Variants in LRP2 observed in about 807,000 individuals in gnomAD.
LRP2 encodes low-density lipoprotein receptor-related protein 2.
In LRP2, 172 loss-of-function variants were observed where a neutral mutation model predicts 531.0. The observed-to-expected ratio is 0.32, with a 90% CI of 0.29 to 0.37. LRP2 has a LOEUF of 0.37. LRP2 is among the 10% of genes least tolerant of loss of function. LRP2 has a pLI of 1.00. For synonymous variants in LRP2, 1,992 were observed against 2,027.6 expected (o/e 0.98, Z 0.47); for missense variants, 5,167 against 5,868.3 (o/e 0.88, Z 3.90).
At chr2:169,353,854 G>A (rs970775483) in intron 1 of LRP2, among the ~76,000 whole-genome samples, 2 of 152,076 alleles carry the variant, frequency 1.3e-5, no homozygotes, top group African/African-American at 4.8e-5. Context: ...AACTGTGAGT[G>A]CTGGTATGTG....
Position 169,235,226 on chromosome 2 carries a change from A to G in LRP2, c.4920+614T>C, listed in dbSNP as rs190083306. Among the ~76,000 whole-genome samples the G allele has an allele frequency of 1.7e-3, 236 of 140,750 alleles. 1 individual carries two copies. Among genetic ancestry groups the G allele is most frequent in the African/African-American group, 6.2e-3 (225 of 36,430 alleles). 92.3% of individuals were successfully genotyped at this position (140,750 alleles called of 152,430 possible). A position where few individuals can be genotyped will look rare whatever the true frequency, so the allele number is the denominator to read the frequency against. ...TGTGCCTGGCCAAGTTAAGTTATAAATTTTTGCTTGAAAAAAATTTTTTTT... is the reference window on the plus strand; with the variant it reads ...TGTGCCTGGCCAAGTTAAGTTATAAGTTTTTGCTTGAAAAAAATTTTTTTT... On this transcript the variant is annotated intron_variant, in intron 29 of 78. Transcript: ENST00000649046.
intron 12 of LRP2, among the ~76,000 whole-genome samples, chr2:169,279,123 C>T (rs1237665747): frequency 6.6e-6 from 1 of 152,076 alleles, no homozygotes; most frequent in Admixed American, 6.5e-5. Flanking sequence ...AAATTCATAG[C>T]CCCAAAACAA....
At chr2:169,199,796 T>C (rs1688134373) in intron 44 of LRP2, among the ~76,000 whole-genome samples, 1 of 152,192 alleles carries the variant, frequency 6.6e-6, no homozygotes, top group Non-Finnish European at 1.5e-5. Context: ...TTTGAGTGGT[T>C]ATAATAATGT....
chr2:169,274,725 T>C (rs1683507362), intron 14 of LRP2, among the ~76,000 whole-genome samples: 1 of 152,158 alleles, frequency 6.6e-6, no homozygotes, highest in African/African-American at 2.4e-5. Flanking sequence ...AGAATGAGGA[T>C]AGGTATTTTG....
chr2:169,299,399 TA>T lies in LRP2; in HGVS notation c.428-4690del, dbSNP rs1360328568. 2.0e-5 allele frequency among the ~76,000 whole-genome samples: 3 copies of T among 152,184 alleles called. No homozygotes were observed. In the East Asian group the frequency reaches 5.8e-4, roughly 29 times the overall value. The stretch of plus-strand genomic sequence containing the variant: ...TTGCTGGTCTCTATCCACAGTGACC[TA>T]ATCTTAGACCTCAACTAGAAATGTG... On this transcript the variant is annotated intron_variant, in intron 4 of 78. Transcript: ENST00000649046.
At chr2:169,142,612 A>G in intron 71 of LRP2, 62 bp downstream of exon 71, 1 of 1,607,128 alleles carries the variant, frequency 6.2e-7, no homozygotes, top group Non-Finnish European at 8.5e-7. Flanking sequence ...GATTCTTCTG[A>G]CTCCTGAAGG....
chr2:169,234,013 G>A (rs1003057878), intron 29 of LRP2, among the ~76,000 whole-genome samples: 1 of 152,128 alleles, frequency 6.6e-6, no homozygotes, highest in African/African-American at 2.4e-5. Context: ...CTATTTCCAC[G>A]GTCTTGTGCT....
At chr2:169,129,645 AT>A (rs1469420692) in intron 77 of LRP2, among the ~76,000 whole-genome samples, 1 of 152,054 alleles carries the variant, frequency 6.6e-6, no homozygotes, top group Non-Finnish European at 1.5e-5. Flanking sequence ...CAAGTTTCTG[AT>A]TTTTTTTAAC....
chr2:169,180,520 T>A (rs1687388105), intron 52 of LRP2, among the ~76,000 whole-genome samples: 1 of 152,226 alleles, frequency 6.6e-6, no homozygotes, highest in South Asian at 2.1e-4. Context: ...ATGCCTGCCA[T>A]GAGCACAGGA....
intron 4 of LRP2, among the ~76,000 whole-genome samples, chr2:169,304,207 G>A (rs1386828760): frequency 6.6e-6 from 1 of 152,124 alleles, no homozygotes; most frequent in African/African-American, 2.4e-5. Context: ...AAGGGATAAA[G>A]ACACAGACTT....
At chr2:169,213,547 T>C (rs2105343327) in intron 36 of LRP2, 110 bp downstream of exon 36, 1 of 896,860 alleles carries the variant, frequency 1.1e-6, no homozygotes, top group East Asian at 2.4e-5. Flanking sequence ...CTTCAATTTG[T>C]ATGCACGTGT....
intron 1 of LRP2, among the ~76,000 whole-genome samples, chr2:169,332,933 A>C (rs1221819305): frequency 6.6e-6 from 1 of 152,230 alleles, no homozygotes; most frequent in Non-Finnish European, 1.5e-5. Flanking sequence ...ACTGAGTTGC[A>C]CACACAGGCA....
chr2:169,246,788 C>A lies in LRP2; in HGVS notation c.3107G>T (p.Gly1036Val). Reference sequence around the variant, plus strand: ...GAGATAGTAATTGGGCACACATCTGCCATTTTTACAGGGGAAGGAAAATAA... The same window carrying A: ...GAGATAGTAATTGGGCACACATCTGACATTTTTACAGGGGAAGGAAAATAA... ...CGLFSFPCKN[G>V]RCVPNYYLCD... is the part of the protein sequence containing the mutation. Residue 1036 changes from glycine (G) to valine (V), a missense_variant, in exon 21 of 79, where the codon GGC becomes GTC. Gly to Val is a moderately radical substitution (Grantham distance 109). Around this residue, in one of 6 missense-constraint regions of LRP2, gnomAD observed 2,811 missense variants for 3,058.0 expected, o/e 0.92. Coordinates refer to ENST00000649046, the MANE Select transcript of LRP2 (RefSeq NM_004525.3). The A allele has an allele frequency of 6.2e-7, 1 of 1,614,174 alleles. No individual in the cohort carries two copies. The highest frequency in any genetic ancestry group is 8.5e-7 in the Non-Finnish European group (1 of 1,180,034).
chr2:169,357,577 G>A (rs973387805), intron 1 of LRP2, among the ~76,000 whole-genome samples: 30 of 151,780 alleles, frequency 2.0e-4, no homozygotes, highest in Non-Finnish European at 3.2e-4. Context: ...TGATCCTCCC[G>A]CCTCAGCATC....
intron 1 of LRP2, among the ~76,000 whole-genome samples, chr2:169,327,260 A>C (rs1276232299): frequency 3.3e-4 from 1 of 2,994 alleles, no homozygotes; most frequent in Non-Finnish European, 3.9e-3. Flanking sequence ...TCCGGGAGGG[A>C]GGTGGGGGGG....
chr2:169,302,411 C>G (rs977897198), intron 4 of LRP2, among the ~76,000 whole-genome samples: 3 of 152,062 alleles, frequency 2.0e-5, no homozygotes, highest in Admixed American at 1.3e-4. Context: ...AATCCTTGCA[C>G]CTGTTCAGTC....
At position 169,206,065 on chromosome 2, in the gene LRP2, C is replaced by T. The variant is rs371708810; in HGVS notation, c.7514G>A (p.Arg2505His). 5.4e-5 allele frequency: 87 copies of T among 1,614,156 alleles called. No individual in the cohort carries two copies. The highest frequency in any genetic ancestry group is 1.9e-4 in the African/African-American group (14 of 75,030). The stretch of plus-strand genomic sequence containing the variant: ...CACAATTGCTCTTGGTTTTGGAACG[C>T]GGGCTATCACAGTGCGGTTAGACCC... ...EDGSNRTVIA[R>H]VPKPRAIVLD... The change falls in exon 40 of 79, where the codon CGC becomes CAC. Residue 2505 changes from arginine (R) to histidine (H), a missense_variant. Around this residue, in one of 6 missense-constraint regions of LRP2, gnomAD observed 1,129 missense variants for 1,362.7 expected, o/e 0.83. Coordinates refer to ENST00000649046, the MANE Select transcript of LRP2 (RefSeq NM_004525.3).
intron 68 of LRP2, among the ~76,000 whole-genome samples, chr2:169,148,782 C>T (rs1011206831): frequency 1.3e-5 from 2 of 152,166 alleles, no homozygotes; most frequent in African/African-American, 4.8e-5. Flanking sequence ...TATGCTATTG[C>T]CTGAGCTTCT....
rs750764775 is a variant in LRP2, at chr2:169,170,671, G to C, written c.11264-4C>G. On this transcript the variant is annotated splice_polypyrimidine_tract_variant and splice_region_variant and intron_variant, in intron 58 of 78. Transcript: ENST00000649046. ...CTCTCTGTGCACTCCCGGGGAGCTG[G>C]AAAGGAAAGGCACCTGGCCATGAGT... The C allele has an allele frequency of 1.9e-6, 3 of 1,601,844 alleles. No homozygotes were observed. Among genetic ancestry groups the C allele is most frequent in the Non-Finnish European group, 2.6e-6 (3 of 1,168,782 alleles).
Sources: gnomAD v4.1 joint callset for allele counts (sites outside exome capture counted in the v4.1 genomes callset) on GRCh38, gnomAD v4.1.1 for gene constraint, gnomAD v4.1.1 regional missense constraint, MANE v1.5 for transcripts, NCBI Gene and HGNC (gene_info 2026-07-23, HGNC 2026-07-21) for gene names.